The following AGMO variants were observed in gnomAD, a reference collection of about 807,000 sequenced individuals.
AGMO encodes glyceryl-ether monooxygenase.
AGMO carries 75 observed loss-of-function variants against 60.2 expected under a neutral mutation model. The observed-to-expected ratio is 1.25, with a 90% CI of 1.03 to 1.51. The LOEUF is 1.51. Among genes scored for constraint, AGMO ranks in the 40% most tolerant of loss-of-function variants. The pLI is 0.00. For missense variants in AGMO, 763 were observed against 525.5 expected, an observed-to-expected ratio of 1.45 and a Z score of -4.42; for synonymous variants, 261 against 177.1, an observed-to-expected ratio of 1.47 and a Z score of -3.76.
the AGMO span, among the ~76,000 whole-genome samples, chr7:15,152,768 G>A: frequency 0.64 from 97,586 of 151,932 alleles, 31,535 homozygotes; most frequent in East Asian, 0.73. Context: ...GGCTGGTTCC[G>A]TATTTTTGCA....
At chr7:15,493,996 A>T (rs1392701023) in intron 3 of AGMO, among the ~76,000 whole-genome samples, 6 of 152,194 alleles carry the variant, frequency 3.9e-5, no homozygotes, top group Admixed American at 2.6e-4. Flanking sequence ...TTTGGGTTAC[A>T]AACAATCCAG....
At chr7:15,158,991 A>G in the AGMO span, among the ~76,000 whole-genome samples, 1 of 152,134 alleles carries the variant, frequency 6.6e-6, no homozygotes, top group Non-Finnish European at 1.5e-5. Flanking sequence ...AGATAAAACT[A>G]CATTCTCTTA....
chr7:15,169,505 C>T, the AGMO span, among the ~76,000 whole-genome samples: 1 of 151,830 alleles, frequency 6.6e-6, no homozygotes, highest in African/African-American at 2.4e-5. Context: ...GCTGCAATCT[C>T]GGCTCACCGC....
Position 15,507,417 on chromosome 7 carries a change from A to G in AGMO, c.409+37355T>C, listed in dbSNP as rs1191974291. Among the ~76,000 whole-genome samples, 12 of 152,216 alleles carry G rather than the reference A, an allele frequency of 7.9e-5. No homozygotes were observed. The East Asian group carries it at 2.3e-3, about 29-fold the overall frequency. ...ACTTGAATCTTATCCAGCCTCTAGA[A>G]CCTACCAAGAATTCATAGGAATTAC... is the stretch of plus-strand genomic sequence containing the variant. On this transcript the variant is annotated intron_variant, in intron 3 of 12. Transcript: ENST00000342526.
intron 3 of AGMO, among the ~76,000 whole-genome samples, chr7:15,458,415 T>A (rs1186453278): frequency 6.6e-6 from 1 of 152,036 alleles, no homozygotes; most frequent in African/African-American, 2.4e-5. Flanking sequence ...AGCTTGGGAG[T>A]GGTGTGACTT....
intron 12 of AGMO, among the ~76,000 whole-genome samples, chr7:15,302,201 C>T (rs950548656): frequency 1.3e-5 from 2 of 152,050 alleles, no homozygotes; most frequent in African/African-American, 4.8e-5. Context: ...TTGATAATTT[C>T]TCTTGAAGAT....
At chr7:15,344,292 A>C (rs1781957459) in intron 12 of AGMO, among the ~76,000 whole-genome samples, 1 of 152,214 alleles carries the variant, frequency 6.6e-6, no homozygotes, top group Admixed American at 6.5e-5. Context: ...TTCTCCAAAA[A>C]GCTAAAGCAA....
intron 3 of AGMO, among the ~76,000 whole-genome samples, chr7:15,450,459 T>C (rs1781829440): frequency 6.6e-6 from 1 of 151,968 alleles, no homozygotes; most frequent in African/African-American, 2.4e-5. Flanking sequence ...TTTCAGTTAA[T>C]TAAATTTACT....
intron 12 of AGMO, among the ~76,000 whole-genome samples, chr7:15,270,254 T>C (rs1783554857): frequency 6.6e-6 from 1 of 152,072 alleles, no homozygotes; most frequent in African/African-American, 2.4e-5. Flanking sequence ...CCCTTTTCTC[T>C]GCAACTACGC....
At chr7:15,465,262 T>G (rs1782250492) in intron 3 of AGMO, among the ~76,000 whole-genome samples, 1 of 151,660 alleles carries the variant, frequency 6.6e-6, no homozygotes, top group African/African-American at 2.4e-5. Flanking sequence ...TCAGCACTGC[T>G]CCCCAGAAAC....
the AGMO span, among the ~76,000 whole-genome samples, chr7:15,172,655 T>A: frequency 1.3e-5 from 2 of 152,132 alleles, no homozygotes; most frequent in Non-Finnish European, 2.9e-5. Flanking sequence ...CAAACTCCAG[T>A]CCCAGTGGAT....
the AGMO span, among the ~76,000 whole-genome samples, chr7:15,155,239 G>A: frequency 6.6e-6 from 1 of 152,054 alleles, no homozygotes; most frequent in South Asian, 2.1e-4. Context: ...ATACCAATGA[G>A]TCTCAGCTTT....
intron 12 of AGMO, among the ~76,000 whole-genome samples, chr7:15,294,671 T>TTTA (rs1235480221): frequency 2.6e-5 from 4 of 151,936 alleles, no homozygotes; most frequent in African/African-American, 9.7e-5. Flanking sequence ...GTGTTAAGTG[T>TTTA]TTACATATTT....
At chr7:15,490,066 TA>T (rs1783032053) in intron 3 of AGMO, among the ~76,000 whole-genome samples, 2 of 152,224 alleles carry the variant, frequency 1.3e-5, no homozygotes, top group Admixed American at 1.3e-4. Flanking sequence ...AAAAAGATAT[TA>T]TAACAAAATC....
intron 12 of AGMO, among the ~76,000 whole-genome samples, chr7:15,349,326 C>T (rs1415941971): frequency 6.6e-6 from 1 of 152,160 alleles, no homozygotes; most frequent in East Asian, 1.9e-4. Flanking sequence ...TCTGGAACCA[C>T]TGTGAGTGCC....
intron 3 of AGMO, among the ~76,000 whole-genome samples, chr7:15,460,237 G>A (rs988820945): frequency 4.0e-5 from 6 of 151,612 alleles, no homozygotes; most frequent in Non-Finnish European, 7.4e-5. Context: ...CTCTTGAGTA[G>A]CTAGGATTAA....
At chr7:15,468,340 G>A (rs1199587734) in intron 3 of AGMO, among the ~76,000 whole-genome samples, 6 of 151,936 alleles carry the variant, frequency 3.9e-5, no homozygotes, top group Non-Finnish European at 5.9e-5. Flanking sequence ...TTTTCTATAC[G>A]ATTCAATAAT....
At chr7:15,155,415 A>ATTT in the AGMO span, among the ~76,000 whole-genome samples, 1 of 67,986 alleles carries the variant, frequency 1.5e-5, no homozygotes, top group Admixed American at 1.8e-4. Context: ...GCATTACAGA[A>ATTT]TTTCTTTTTT....
intron 12 of AGMO, among the ~76,000 whole-genome samples, chr7:15,262,183 A>T (rs185184385): frequency 1.5e-3 from 223 of 152,224 alleles, no homozygotes; most frequent in Middle Eastern, 0.014. Context: ...AGTAAAGAAG[A>T]AGTCAAACTG....
Sources: allele counts gnomAD v4.1 joint callset (sites outside exome capture counted in the v4.1 genomes callset), GRCh38; gene constraint gnomAD v4.1.1; transcripts MANE v1.5; gene names NCBI Gene and HGNC (gene_info 2026-07-23, HGNC 2026-07-21).